Variants in TTC4 observed in about 807,000 individuals in gnomAD.
TTC4 encodes the protein tetratricopeptide repeat domain 4, also known as hsp70/Hsp90 co-chaperone CNS1 homolog.
A neutral mutation model predicts 51.9 loss-of-function variants in TTC4; 36 were observed. The observed-to-expected ratio is 0.69, with a 90% confidence interval of 0.53 to 0.92. The LOEUF (loss-of-function observed/expected upper bound fraction) is 0.92. Ranked by LOEUF, TTC4 falls within the 40% of genes least tolerant of loss-of-function variation. TTC4 has a pLI of 0.00. For synonymous variants in TTC4, 144 were observed against 164.2 expected (o/e 0.88, Z 0.94); for missense variants, 399 against 454.6 (o/e 0.88, Z 1.11).
chr1:54,735,259 C>T (rs1247942831), intron 8 of TTC4, among the ~76,000 whole-genome samples: 10 of 152,072 alleles, frequency 6.6e-5, no homozygotes, highest in Non-Finnish European at 1.5e-4. Flanking sequence ...GCTCTTGTTG[C>T]CCAGGCTGAA....
chr1:54,741,655 G>A lies in TTC4; in HGVS notation c.*142G>A. 1 of 702,838 alleles carries A rather than the reference G, an allele frequency of 1.4e-6. No individual in the cohort carries two copies. Among genetic ancestry groups the A allele is most frequent in the East Asian group, 2.6e-5 (1 of 37,742 alleles). The allele number at this position is 702,838 out of a possible 1,614,324, so 43.5% of individuals were successfully genotyped here. On this transcript the variant is annotated 3_prime_UTR_variant, in exon 10 of 10. Transcript: ENST00000371281. Reference sequence around the variant, plus strand: ...AGTCCTTCCTGGCATCGTGGTGGGGGAGGAGCCTCTGGCTTCCCTAAACTG... The same window carrying A: ...AGTCCTTCCTGGCATCGTGGTGGGGAAGGAGCCTCTGGCTTCCCTAAACTG...
At chr1:54,736,223 A>AGAGAAGAGG (rs71048706) in intron 8 of TTC4, among the ~76,000 whole-genome samples, 1 of 87,736 alleles carries the variant, frequency 1.1e-5, no homozygotes, top group Non-Finnish European at 2.2e-5. Flanking sequence ...AGAGAGAGAG[A>AGAGAAGAGG]AGAGGAGAGG....
In TTC4 at chr1:54,741,734, T is replaced by C. The variant is rs1646014216; in HGVS notation, c.*221T>C. ...TCAGTTGATATAAAACTCTGGGTCT[T>C]GGCCATGATGTCCTTGGACTCCATC... On this transcript the variant is annotated 3_prime_UTR_variant, in exon 10 of 10. Transcript: ENST00000371281. 16 of 575,410 alleles carry C rather than the reference T, an allele frequency of 2.8e-5. No homozygotes were observed. In the East Asian group the frequency reaches 4.6e-4, roughly 17 times the overall value. The allele number at this position is 575,410 out of a possible 1,614,324, so 35.6% of individuals were successfully genotyped here. A position where few individuals can be genotyped will look rare whatever the true frequency, so the allele number is the denominator to read the frequency against.
chr1:54,728,377 A>G lies in TTC4; in HGVS notation c.626A>G (p.Asn209Ser). The change falls in exon 6 of 10, where the codon AAC becomes AGC. Residue 209 changes from asparagine (N) to serine (S), a missense_variant. Coordinates refer to ENST00000371281, the MANE Select transcript of TTC4 (RefSeq NM_004623.5). ...RIEQRDVRKA[N>S]LKEKKERNQN... ...GAACAGAGGGATGTGAGGAAAGCCA[A>G]CTTGAAAGAAAAGAAGGAGAGGAAT... 1 of 1,613,306 alleles carries G rather than the reference A, an allele frequency of 6.2e-7. No homozygotes were observed. Among genetic ancestry groups the G allele is most frequent in the African/African-American group, 1.3e-5 (1 of 74,998 alleles).
chr1:54,723,907 C>T (rs917932960), intron 5 of TTC4, among the ~76,000 whole-genome samples: 2 of 152,150 alleles, frequency 1.3e-5, no homozygotes, highest in Non-Finnish European at 2.9e-5. Flanking sequence ...TCATTCTGGT[C>T]ATATGAAATG....
Position 54,722,744 on chromosome 1 carries a change from T to C in TTC4, c.539T>C (p.Ile180Thr). ...AVNWCDEGLQIDAKEKKLLEM... is the reference protein window; with the variant it reads ...AVNWCDEGLQTDAKEKKLLEM... ...AACTGGTGTGATGAGGGACTGCAAATAGATGCCAAAGAGAAGAAGCTTCTG... is the reference window on the plus strand; with the variant it reads ...AACTGGTGTGATGAGGGACTGCAAACAGATGCCAAAGAGAAGAAGCTTCTG... The change falls in exon 5 of 10, where the codon ATA (isoleucine) becomes ACA (threonine). Residue 180 changes from isoleucine (I) to threonine (T), a missense_variant. By Grantham distance (89) the Ile-to-Thr change is moderately conservative. Around this residue, in one of 3 missense-constraint regions of TTC4, gnomAD observed 316 missense variants for 349.6 expected, o/e 0.90. Transcript: ENST00000371281. 1.2e-6 allele frequency: 2 copies of C among 1,613,886 alleles called. No individual in the cohort carries two copies. Among genetic ancestry groups the C allele is most frequent in the South Asian group, 1.1e-5 (1 of 91,058 alleles).
intron 2 of TTC4, 127 bp downstream of exon 2, chr1:54,716,844 A>G: frequency 1.3e-6 from 1 of 741,544 alleles, no homozygotes; most frequent in Non-Finnish European, 2.2e-6. Context: ...TCATTCCAAT[A>G]TACTTCTTTT....
In TTC4 at chr1:54,725,023, G is replaced by T. The variant is rs539168764; in HGVS notation, c.594+2224G>T. Reference sequence around the variant, plus strand: ...TCCTCTCCAGTTCCACAGTAGCCTTGAAAGCCAGTAGCCCACAGTCATGGT... The same window carrying T: ...TCCTCTCCAGTTCCACAGTAGCCTTTAAAGCCAGTAGCCCACAGTCATGGT... On this transcript the variant is annotated intron_variant, in intron 5 of 9. Transcript: ENST00000371281. Among the ~76,000 whole-genome samples the T allele has an allele frequency of 8.1e-4, 123 of 152,292 alleles. 1 individual carries two copies. The highest frequency in any genetic ancestry group is 2.8e-3 in the African/African-American group (118 of 41,560).
At chr1:54,722,129 A>ATTTTTTT (rs11443027) in intron 4 of TTC4, among the ~76,000 whole-genome samples, 1 of 147,006 alleles carries the variant, frequency 6.8e-6, no homozygotes. Context: ...ATAACATGAA[A>ATTTTTTT]TTTTTTTTTT....
At chr1:54,734,753 C>T (rs1397493965) in intron 8 of TTC4, among the ~76,000 whole-genome samples, 3 of 152,116 alleles carry the variant, frequency 2.0e-5, no homozygotes, top group East Asian at 1.9e-4. Flanking sequence ...AATAAAAAAT[C>T]ACAATATCCA....
rs77941984 is a variant in TTC4 at position 54,741,861 on chromosome 1, T to G, written c.*348T>G. 2.9e-3 allele frequency: 840 copies of G among 288,474 alleles called. 3 individuals carry two copies. The highest frequency in any genetic ancestry group is 3.7e-3 in the Non-Finnish European group (565 of 152,502). The allele number at this position is 288,474 out of a possible 1,614,324, so 17.9% of individuals were successfully genotyped here. A position where few individuals can be genotyped will look rare whatever the true frequency, so the allele number is the denominator to read the frequency against. ...ATCCAGTGACATGATTCTGAACTTT[T>G]GTGGAGTTTGACACCTTAGAGAAGC... On this transcript the variant is annotated 3_prime_UTR_variant, in exon 10 of 10. Transcript: ENST00000371281.
chr1:54,734,036 G>A (rs1178826596), intron 8 of TTC4, among the ~76,000 whole-genome samples: 3 of 151,940 alleles, frequency 2.0e-5, no homozygotes, highest in Non-Finnish European at 4.4e-5. Context: ...ATGTCTTCAA[G>A]GTTCATTACA....
rs933390606 is a variant in TTC4 at position 54,742,016 on chromosome 1, C to G, written c.*503C>G. 3.2e-5 allele frequency: 5 copies of G among 155,020 alleles called. No individual in the cohort carries two copies. The highest frequency in any genetic ancestry group is 7.2e-5 in the African/African-American group (3 of 41,436). 9.6% of individuals were successfully genotyped at this position (155,020 alleles called of 1,614,324 possible). On this transcript the variant is annotated 3_prime_UTR_variant, in exon 10 of 10. Coordinates refer to ENST00000371281, the MANE Select transcript of TTC4 (RefSeq NM_004623.5). ...AAGCCATGTGGGGTTGCTGAAGATG[C>G]CTTGAGGTGAAATGGGGGCAGGAAA... is the stretch of plus-strand genomic sequence containing the variant.
At chr1:54,725,291 A>T (rs1645786108) in intron 5 of TTC4, among the ~76,000 whole-genome samples, 1 of 152,218 alleles carries the variant, frequency 6.6e-6, no homozygotes, top group Non-Finnish European at 1.5e-5. Context: ...AATTAGAGGC[A>T]ATTGTTAAAG....
chr1:54,722,559 C>T, intron 4 of TTC4, 116 bp from the exon 5 acceptor site: 2 of 1,449,786 alleles, frequency 1.4e-6, no homozygotes, highest in Non-Finnish European at 9.3e-7. Flanking sequence ...GGGCATTATC[C>T]TCCATTTTGC....
intron 8 of TTC4, 98 bp from the exon 9 acceptor site, chr1:54,737,484 C>G: frequency 6.4e-6 from 7 of 1,089,962 alleles, no homozygotes; most frequent in Non-Finnish European, 9.3e-6. Flanking sequence ...CATTCAACTA[C>G]TAACCGTTGC....
intron 8 of TTC4, among the ~76,000 whole-genome samples, chr1:54,735,395 A>G (rs544874458): frequency 1.3e-5 from 2 of 151,992 alleles, no homozygotes; most frequent in East Asian, 3.9e-4. Flanking sequence ...AATTTTTTGT[A>G]TTTTTAATAG....
chr1:54,741,547 C>T lies in TTC4; in HGVS notation c.*34C>T, dbSNP rs1646011425. The T allele has an allele frequency of 1.3e-6, 2 of 1,562,514 alleles. No homozygotes were observed. The highest frequency in any genetic ancestry group is 1.4e-5 in the African/African-American group (1 of 73,734). The stretch of plus-strand genomic sequence containing the variant: ...GGGCCCCTGGATCTCCTCCCTTACC[C>T]TCCTCTGCTGGGAACCTAGCACACC... On this transcript the variant is annotated 3_prime_UTR_variant, in exon 10 of 10. Transcript: ENST00000371281.
At chr1:54,723,026 A>G (rs1035889587) in intron 5 of TTC4, among the ~76,000 whole-genome samples, 3 of 152,230 alleles carry the variant, frequency 2.0e-5, no homozygotes, top group Admixed American at 6.5e-5. Context: ...GTGCCACATA[A>G]CAGTGTTTCA....
Sources: gnomAD v4.1 joint callset for allele counts (sites outside exome capture counted in the v4.1 genomes callset) on GRCh38, gnomAD v4.1.1 for gene constraint, gnomAD v4.1.1 regional missense constraint, MANE v1.5 for transcripts, NCBI Gene and HGNC (gene_info 2026-07-23, HGNC 2026-07-21) for gene names.